BMERB1: variants seen among roughly 807,000 people sequenced by gnomAD.
BMERB1 encodes the protein bMERB domain-containing protein 1.
In BMERB1, 12 loss-of-function variants were observed where a neutral mutation model predicts 23.6. The ratio of observed to expected loss-of-function variants is 0.51; its 90% confidence interval spans 0.33 to 0.82. The LOEUF is 0.82. Ranked by LOEUF, BMERB1 falls within the 40% of genes least tolerant of loss-of-function variation. The pLI is 0.03. For synonymous variants in BMERB1, 122 were observed against 96.6 expected (o/e 1.26, Z -1.54); for missense variants, 247 against 255.4 (o/e 0.97, Z 0.22).
At chr16:15,458,641 C>T (rs1000823701) in intron 1 of BMERB1, among the ~76,000 whole-genome samples, 4 of 149,774 alleles carry the variant, frequency 2.7e-5, no homozygotes, top group Non-Finnish European at 4.4e-5. Context: ...TGTTTGAGCC[C>T]AGAAGGTCAA....
At chr16:15,537,698 G>A (rs1247620307) in intron 2 of BMERB1, among the ~76,000 whole-genome samples, 2 of 151,844 alleles carry the variant, frequency 1.3e-5, no homozygotes, top group African/African-American at 4.8e-5. Flanking sequence ...TCACTCTGTT[G>A]CCCAGGCTGG....
chr16:15,436,529 G>A (rs1167467851), intron 1 of BMERB1, among the ~76,000 whole-genome samples: 2 of 152,082 alleles, frequency 1.3e-5, no homozygotes, highest in East Asian at 1.9e-4. Context: ...AAAGTGCCGG[G>A]ATTACAGGTG....
intron 1 of BMERB1, among the ~76,000 whole-genome samples, chr16:15,475,681 A>G (rs991606409): frequency 2.0e-5 from 3 of 152,206 alleles, no homozygotes; most frequent in Non-Finnish European, 4.4e-5. Context: ...TAAAGAAATC[A>G]GAGTGCCACC....
intron 1 of BMERB1, among the ~76,000 whole-genome samples, chr16:15,467,707 T>A (rs552762043): frequency 6.6e-6 from 1 of 152,216 alleles, no homozygotes; most frequent in Non-Finnish European, 1.5e-5. Flanking sequence ...AGATACTTAT[T>A]CTGAGCCAAA....
chr16:15,468,162 T>TTTTTTTTTTTTTTTTTTTTTTTTTC lies in BMERB1; in HGVS notation c.106+33404_106+33405insTTTTTTTTTTTTTTTTTTTTTTTCT, dbSNP rs57267276. On this transcript the variant is annotated intron_variant, in intron 1 of 5. Coordinates refer to ENST00000300006, the MANE Select transcript of BMERB1 (RefSeq NM_033201.3). ...TTTTTTTTTTTTTTTTTTTTTTTTT[T>TTTTTTTTTTTTTTTTTTTTTTTTTC]TGAGGCAGGGTCTCAGTCTGTCACC... Among the ~76,000 whole-genome samples, 7 of 64,556 alleles carry TTTTTTTTTTTTTTTTTTTTTTTTTC rather than the reference T, an allele frequency of 1.1e-4. 1 individual carries two copies. Among genetic ancestry groups the TTTTTTTTTTTTTTTTTTTTTTTTTC allele is most frequent in the Non-Finnish European group, 2.2e-4 (7 of 32,172 alleles). 42.4% of individuals were successfully genotyped at this position (64,556 alleles called of 152,430 possible).
intron 2 of BMERB1, among the ~76,000 whole-genome samples, chr16:15,556,864 G>A (rs1480411196): frequency 1.3e-5 from 2 of 152,154 alleles, no homozygotes; most frequent in African/African-American, 4.8e-5. Flanking sequence ...GATTACAGGC[G>A]TGAGCCACCG....
chr16:15,574,241 G>A (rs1020454267), intron 3 of BMERB1, among the ~76,000 whole-genome samples: 9 of 152,060 alleles, frequency 5.9e-5, no homozygotes, highest in South Asian at 2.1e-4. Context: ...TCACTATCAC[G>A]AGAACAGCAT....
chr16:15,553,608 A>C (rs2150967057), intron 2 of BMERB1, among the ~76,000 whole-genome samples: 1 of 152,370 alleles, frequency 6.6e-6, no homozygotes, highest in South Asian at 2.1e-4. Context: ...TTATTCACAG[A>C]TGCTGAACTT....
At chr16:15,442,925 C>T (rs2050953411) in intron 1 of BMERB1, among the ~76,000 whole-genome samples, 1 of 152,088 alleles carries the variant, frequency 6.6e-6, no homozygotes, top group Non-Finnish European at 1.5e-5. Context: ...AAAAGGTTTA[C>T]AGATTTGGAG....
rs1165058732 is a variant in BMERB1, at chr16:15,461,234, G to C, written c.106+26475G>C. Among the ~76,000 whole-genome samples the C allele has an allele frequency of 2.0e-5, 3 of 152,132 alleles. No individual in the cohort carries two copies. The East Asian group carries it at 5.8e-4, about 29-fold the overall frequency. On this transcript the variant is annotated intron_variant, in intron 1 of 5. Transcript: ENST00000300006. ...GGGACATTTAGACATTTTGCTGTGGGAGGAGCAAAATCACTCCTGGCAGGA... is the reference window on the plus strand; with the variant it reads ...GGGACATTTAGACATTTTGCTGTGGCAGGAGCAAAATCACTCCTGGCAGGA...
chr16:15,445,939 C>G (rs1757664741), intron 1 of BMERB1, among the ~76,000 whole-genome samples: 1 of 152,094 alleles, frequency 6.6e-6, no homozygotes, highest in African/African-American at 2.4e-5. Flanking sequence ...TAAAGACACA[C>G]TATGTAAATG....
At chr16:15,470,987 C>T (rs1295901110) in intron 1 of BMERB1, among the ~76,000 whole-genome samples, 1 of 151,488 alleles carries the variant, frequency 6.6e-6, no homozygotes, top group Non-Finnish European at 1.5e-5. Context: ...CAGGCGCCTG[C>T]TGCCACGCCC....
At chr16:15,528,279 G>A (rs1026973275) in intron 2 of BMERB1, among the ~76,000 whole-genome samples, 6 of 152,034 alleles carry the variant, frequency 3.9e-5, no homozygotes, top group South Asian at 2.1e-4. Flanking sequence ...GAAGGGCACC[G>A]TCTTCTCACA....
intron 5 of BMERB1, among the ~76,000 whole-genome samples, chr16:15,585,026 CAA>C (rs1359187485): frequency 6.6e-6 from 1 of 152,152 alleles, no homozygotes; most frequent in Non-Finnish European, 1.5e-5. Context: ...GCTGGGAAGA[CAA>C]AAACCAAAAG....
intron 1 of BMERB1, among the ~76,000 whole-genome samples, chr16:15,491,005 C>T (rs148646201): frequency 6.6e-6 from 1 of 151,596 alleles, no homozygotes; most frequent in African/African-American, 2.4e-5. Flanking sequence ...CCACCATGCC[C>T]GGCTATTTTG....
intron 1 of BMERB1, among the ~76,000 whole-genome samples, chr16:15,490,699 T>A (rs1351685406): frequency 6.6e-6 from 1 of 152,212 alleles, no homozygotes; most frequent in Non-Finnish European, 1.5e-5. Context: ...TTCAGCCAAT[T>A]CTGTGCGAAC....
At chr16:15,558,054 A>T (rs769091609) in intron 2 of BMERB1, among the ~76,000 whole-genome samples, 17 of 143,568 alleles carry the variant, frequency 1.2e-4, no homozygotes, top group South Asian at 2.1e-4. Context: ...AAAAAAAAAA[A>T]TTTTTTTTGA....
At chr16:15,482,274 C>T (rs2051328567) in intron 1 of BMERB1, among the ~76,000 whole-genome samples, 1 of 151,886 alleles carries the variant, frequency 6.6e-6, no homozygotes, top group Non-Finnish European at 1.5e-5. Context: ...AACATCTTCT[C>T]TGTGTCTAAG....
chr16:15,520,783 G>A (rs967497018), intron 2 of BMERB1, among the ~76,000 whole-genome samples: 1 of 152,072 alleles, frequency 6.6e-6, no homozygotes, highest in African/African-American at 2.4e-5. Flanking sequence ...CACTGCACCC[G>A]GCCCATAGAT....
Sources: gnomAD v4.1 joint callset for allele counts (sites outside exome capture counted in the v4.1 genomes callset) on GRCh38, gnomAD v4.1.1 for gene constraint, MANE v1.5 for transcripts, NCBI Gene and HGNC (gene_info 2026-07-23, HGNC 2026-07-21) for gene names.